HCN1: variants seen among roughly 807,000 people sequenced by gnomAD.
HCN1 encodes hyperpolarization activated cyclic nucleotide gated potassium channel 1.
HCN1 carries 13 observed loss-of-function variants against 78.9 expected under a neutral mutation model. The observed-to-expected ratio is 0.16, with a 90% CI of 0.11 to 0.26. The LOEUF is 0.26. Among genes scored for constraint, HCN1 ranks in the 10% least tolerant of loss-of-function variants. The pLI is 1.00. For missense variants in HCN1, 810 were observed against 1,154.3 expected (o/e 0.70, Z 4.32); for synonymous variants, 552 against 455.5 (o/e 1.21, Z -2.70).
chr5:45,494,985 CT>C (rs1376571299), intron 2 of HCN1, among the ~76,000 whole-genome samples: 2 of 145,124 alleles, frequency 1.4e-5, no homozygotes, highest in Non-Finnish European at 3.0e-5. Context: ...CAGTACCATG[CT>C]GTTTTGGTTA....
intron 2 of HCN1, among the ~76,000 whole-genome samples, chr5:45,491,798 C>A (rs1260363484): frequency 6.6e-6 from 1 of 152,010 alleles, no homozygotes; most frequent in Admixed American, 6.6e-5. Context: ...AATTCCAGGT[C>A]TTGAGGAAAT....
intron 2 of HCN1, among the ~76,000 whole-genome samples, chr5:45,569,829 A>G (rs1215953553): frequency 6.6e-6 from 1 of 152,192 alleles, no homozygotes; most frequent in African/African-American, 2.4e-5. Flanking sequence ...TATCATCATC[A>G]TCATCATCAT....
intron 2 of HCN1, among the ~76,000 whole-genome samples, chr5:45,505,388 G>A (rs1742278349): frequency 6.6e-6 from 1 of 152,078 alleles, no homozygotes; most frequent in Non-Finnish European, 1.5e-5. Context: ...TTTTTCTCAG[G>A]TTTGTCAAAG....
chr5:45,638,660 T>C (rs112440424), intron 2 of HCN1, among the ~76,000 whole-genome samples: 2 of 152,172 alleles, frequency 1.3e-5, no homozygotes, highest in African/African-American at 2.4e-5. Flanking sequence ...CCCACCACTT[T>C]GGGAGGCCAA....
intron 2 of HCN1, among the ~76,000 whole-genome samples, chr5:45,463,012 A>G (rs1741196382): frequency 6.6e-6 from 1 of 152,072 alleles, no homozygotes; most frequent in Admixed American, 6.6e-5. Flanking sequence ...CTGCATTAAT[A>G]AATACAATTA....
At chr5:45,363,774 C>G (rs139610052) in intron 4 of HCN1, among the ~76,000 whole-genome samples, 1 of 151,976 alleles carries the variant, frequency 6.6e-6, no homozygotes, top group Non-Finnish European at 1.5e-5. Context: ...TTTGCTTCCT[C>G]CTCATTTTCT....
intron 5 of HCN1, among the ~76,000 whole-genome samples, chr5:45,326,583 T>C (rs1386262485): frequency 1.3e-5 from 2 of 151,792 alleles, no homozygotes; most frequent in East Asian, 1.9e-4. Context: ...AACCAAGTTA[T>C]TTCTTTAACT....
chr5:45,687,745 T>C (rs1054137531), intron 1 of HCN1, among the ~76,000 whole-genome samples: 1 of 152,204 alleles, frequency 6.6e-6, no homozygotes, highest in African/African-American at 2.4e-5. Flanking sequence ...TTCAGTTCCA[T>C]ATTAACCAAT....
At chr5:45,308,312 A>C (rs1745778705) in intron 5 of HCN1, among the ~76,000 whole-genome samples, 1 of 152,132 alleles carries the variant, frequency 6.6e-6, no homozygotes, top group Non-Finnish European at 1.5e-5. Flanking sequence ...ACTCAGTCTC[A>C]GGTATTCCTT....
At chr5:45,348,655 C>A (rs1746805686) in intron 5 of HCN1, among the ~76,000 whole-genome samples, 1 of 151,588 alleles carries the variant, frequency 6.6e-6, no homozygotes, top group Non-Finnish European at 1.5e-5. Flanking sequence ...AACATAGGCT[C>A]AAAATAAAAG....
At chr5:45,435,938 G>A (rs952881403) in intron 3 of HCN1, among the ~76,000 whole-genome samples, 7 of 151,848 alleles carry the variant, frequency 4.6e-5, no homozygotes, top group Admixed American at 4.6e-4. Context: ...TTCACAGTGG[G>A]GTCTGTTCTA....
chr5:45,422,394 G>A (rs778600927), intron 3 of HCN1, among the ~76,000 whole-genome samples: 4 of 152,050 alleles, frequency 2.6e-5, no homozygotes, highest in Non-Finnish European at 5.9e-5. Flanking sequence ...TGTCAGCTAC[G>A]AATCTTGCCG....
intron 2 of HCN1, among the ~76,000 whole-genome samples, chr5:45,466,262 G>A (rs1360875044): frequency 3.3e-5 from 5 of 152,042 alleles, no homozygotes; most frequent in Non-Finnish European, 4.4e-5. Flanking sequence ...TATATAAAAC[G>A]AATGACCTTA....
intron 6 of HCN1, among the ~76,000 whole-genome samples, chr5:45,275,063 T>G (rs1016586653): frequency 2.0e-5 from 3 of 152,062 alleles, no homozygotes; most frequent in African/African-American, 7.2e-5. Context: ...CTGGCCAACA[T>G]GGTGAAACCC....
intron 5 of HCN1, among the ~76,000 whole-genome samples, chr5:45,337,813 A>G (rs1486994035): frequency 1.3e-5 from 2 of 152,146 alleles, no homozygotes; most frequent in Admixed American, 1.3e-4. Context: ...TCTTCAGGAG[A>G]TAACATTTGT....
intron 2 of HCN1, among the ~76,000 whole-genome samples, chr5:45,472,639 G>A (rs1464337898): frequency 3.2e-5 from 3 of 93,678 alleles, no homozygotes; most frequent in Non-Finnish European, 6.2e-5. Context: ...GGGGGAGGGA[G>A]GGAGGGAGAA....
At chr5:45,264,869 G>A (rs992648367) in intron 7 of HCN1, among the ~76,000 whole-genome samples, 2 of 151,956 alleles carry the variant, frequency 1.3e-5, no homozygotes, top group South Asian at 4.1e-4. Context: ...TATTGATTAC[G>A]AACCATTTCA....
intron 2 of HCN1, among the ~76,000 whole-genome samples, chr5:45,549,399 A>G (rs369675370): frequency 9.2e-5 from 14 of 152,126 alleles, no homozygotes; most frequent in Admixed American, 4.6e-4. Flanking sequence ...AATGGGGAAA[A>G]GATTCCCTAT....
intron 2 of HCN1, among the ~76,000 whole-genome samples, chr5:45,530,061 A>C (rs952042891): frequency 6.6e-6 from 1 of 152,142 alleles, no homozygotes; most frequent in African/African-American, 2.4e-5. Flanking sequence ...ATAGAGACGA[A>C]TTAAGACAAA....
Sources: allele counts gnomAD v4.1 joint callset (sites outside exome capture counted in the v4.1 genomes callset), GRCh38; gene constraint gnomAD v4.1.1; transcripts MANE v1.5; gene names NCBI Gene and HGNC (gene_info 2026-07-23, HGNC 2026-07-21).